ATXN10: variants seen among roughly 807,000 people sequenced by gnomAD.
The protein encoded by ATXN10 is ataxin-10.
A neutral mutation model predicts 52.9 loss-of-function variants in ATXN10; 28 were observed. The observed-to-expected ratio is 0.53, with a 90% CI of 0.39 to 0.73. The LOEUF is 0.73. Ranked by LOEUF, ATXN10 falls within the 30% of genes least tolerant of loss-of-function variation. ATXN10 has a pLI of 0.00. For missense variants in ATXN10, 565 were observed against 577.0 expected (o/e 0.98, Z 0.21); for synonymous variants, 226 against 221.5 (o/e 1.02, Z -0.18).
In ATXN10 at chr22:45,771,226, A is replaced by G. The variant is rs558343761; in HGVS notation, c.1173+30688A>G. Among the ~76,000 whole-genome samples the G allele has an allele frequency of 2.8e-4, 42 of 152,312 alleles. No individual in the cohort carries two copies. The East Asian group carries it at 7.5e-3, about 27-fold the overall frequency. On this transcript the variant is annotated intron_variant, in intron 9 of 11. Coordinates refer to ENST00000252934, the MANE Select transcript of ATXN10 (RefSeq NM_013236.4). ...TCTTTAATGGTTAAATGCATAAACA[A>G]TGGTACATCCATACAATGGAATACA...
Position 45,702,859 on chromosome 22 carries a change from G to C in ATXN10, c.647+12G>C. ...GAATCAGAATGGCCGTAAGTATCTTGTTAGAAATTTGATTGCTTTGGGGCA... is the reference window on the plus strand; with the variant it reads ...GAATCAGAATGGCCGTAAGTATCTTCTTAGAAATTTGATTGCTTTGGGGCA... On this transcript the variant is annotated intron_variant, in intron 5 of 11. Coordinates refer to ENST00000252934, the MANE Select transcript of ATXN10 (RefSeq NM_013236.4). 6 of 1,613,476 alleles carry C rather than the reference G, an allele frequency of 3.7e-6. No individual in the cohort carries two copies. The highest frequency in any genetic ancestry group is 5.1e-6 in the Non-Finnish European group (6 of 1,179,902).
At chr22:45,747,754 G>A (rs1925788794) in intron 9 of ATXN10, among the ~76,000 whole-genome samples, 1 of 152,058 alleles carries the variant, frequency 6.6e-6, no homozygotes, top group Non-Finnish European at 1.5e-5. Flanking sequence ...TATAAAATAG[G>A]GGCAGTTACA....
intron 10 of ATXN10, among the ~76,000 whole-genome samples, chr22:45,838,525 A>G (rs897318315): frequency 6.6e-6 from 1 of 152,240 alleles, no homozygotes; most frequent in Non-Finnish European, 1.5e-5. Flanking sequence ...TAAGCATACA[A>G]TAAAGCACTT....
At chr22:45,771,526 CCTGCCTCAGCCTCCCGAGTAG>C (rs1483025819) in intron 9 of ATXN10, among the ~76,000 whole-genome samples, 1 of 148,802 alleles carries the variant, frequency 6.7e-6, no homozygotes, top group Non-Finnish European at 1.5e-5. Context: ...AAGTGATTTT[CCTGCCTCAGCCTCCCGAGTAG>C]CTGGGATTAC....
chr22:45,742,547 C>T (rs933435444), intron 9 of ATXN10, among the ~76,000 whole-genome samples: 16 of 151,308 alleles, frequency 1.1e-4, no homozygotes, highest in Non-Finnish European at 2.1e-4. Context: ...AAAAAAATAC[C>T]GAATGTGCTT....
At position 45,671,836 on chromosome 22, in the gene ATXN10, C is replaced by T. The variant is rs1052510159; in HGVS notation, c.-228C>T. ...GCCGGCGCCCCCTCCCCCGCGGCGC[C>T]GTCTCCTCCTCCCGCCTGAGGCGAG... is the stretch of plus-strand genomic sequence containing the variant. On this transcript the variant is annotated 5_prime_UTR_variant, in exon 1 of 12. Transcript: ENST00000252934. 3.0e-5 allele frequency: 11 copies of T among 371,352 alleles called. No individual in the cohort carries two copies. The highest frequency in any genetic ancestry group is 5.3e-5 in the Non-Finnish European group (11 of 208,382). 23.0% of individuals were successfully genotyped at this position (371,352 alleles called of 1,614,324 possible). A position where few individuals can be genotyped will look rare whatever the true frequency, so the allele number is the denominator to read the frequency against.
intron 7 of ATXN10, among the ~76,000 whole-genome samples, chr22:45,736,693 C>G (rs1445203073): frequency 6.6e-6 from 1 of 152,110 alleles, no homozygotes; most frequent in African/African-American, 2.4e-5. Flanking sequence ...CCTTGCATTT[C>G]CTGTGAATGA....
At chr22:45,767,544 G>A (rs1926628346) in intron 9 of ATXN10, among the ~76,000 whole-genome samples, 1 of 152,040 alleles carries the variant, frequency 6.6e-6, no homozygotes, top group Non-Finnish European at 1.5e-5. Flanking sequence ...AAGAGGAGAG[G>A]CCAGGGTGGA....
rs1242920161 is a variant in ATXN10 at position 45,826,985 on chromosome 22, G to A, written c.1238-16006G>A. Among the ~76,000 whole-genome samples, 1 of 152,136 alleles carries A rather than the reference G, an allele frequency of 6.6e-6. No homozygotes were observed. Among genetic ancestry groups the A allele is most frequent in the African/African-American group, 2.4e-5 (1 of 41,428 alleles). ...TATTTTTGGGGTACACAGCATATAA[G>A]GTTTTAATTTTTTTTATGTTAACCG... On this transcript the variant is annotated intron_variant, in intron 10 of 11. Coordinates refer to ENST00000252934, the MANE Select transcript of ATXN10 (RefSeq NM_013236.4). The surrounding 1 kb of genome is among the most constrained non-coding windows in gnomAD (Gnocchi z 5.0).
intron 10 of ATXN10, among the ~76,000 whole-genome samples, chr22:45,821,344 C>CT (rs1055414247): frequency 1.6e-5 from 2 of 124,674 alleles, no homozygotes; most frequent in Non-Finnish European, 3.4e-5. Flanking sequence ...AGACCCGTCT[C>CT]TTTAAAAAAA....
rs1402437387 is a variant in ATXN10 at position 45,683,858 on chromosome 22, T to C, written c.117-5854T>C. ...ATGCCATTTACCAAGTTACCATGTA[T>C]ACACAGTTCTGCTCTTGGGCTGTCT... On this transcript the variant is annotated intron_variant, in intron 1 of 11. Coordinates refer to ENST00000252934, the MANE Select transcript of ATXN10 (RefSeq NM_013236.4). The surrounding 1 kb of genome is among the most constrained non-coding windows in gnomAD (Gnocchi z 4.8). Among the ~76,000 whole-genome samples the C allele has an allele frequency of 2.0e-5, 3 of 152,238 alleles. No individual in the cohort carries two copies. Among genetic ancestry groups the C allele is most frequent in the Non-Finnish European group, 2.9e-5 (2 of 68,038 alleles).
rs140014542 is a variant in ATXN10 at position 45,843,050 on chromosome 22, C to A, written c.1297C>A (p.Gln433Lys). 44 of 1,614,102 alleles carry A rather than the reference C, an allele frequency of 2.7e-5. No homozygotes were observed. The African/African-American group carries it at 5.2e-4, about 19-fold the overall frequency. ...CCTTACCGAAGACAACAGCCAAAAC[C>A]AAGATTTGATTGCAAAGATGGAGGA... The part of the protein sequence containing the change: ...RNLTEDNSQN[Q>K]DLIAKMEEQG... Residue 433 changes from glutamine (Q) to lysine (K), a missense_variant, in exon 11 of 12, where the codon CAA becomes AAA. Gln to Lys is a moderately conservative substitution (Grantham distance 53). Transcript: ENST00000252934. This position sits in a 1 kb window ranked among gnomAD's most constrained non-coding sequence, Gnocchi z 4.5.
In ATXN10 at chr22:45,835,484, A is replaced by G. The variant is rs1383413702; in HGVS notation, c.1238-7507A>G. On this transcript the variant is annotated intron_variant, in intron 10 of 11. Transcript: ENST00000252934. This position sits in a 1 kb window ranked among gnomAD's most constrained non-coding sequence, Gnocchi z 5.0. ...TCCCCTCTCCCTTTGCAATTTATGGAAAGTACATTGTGCCAAGCAAGGACA... is the reference window on the plus strand; with the variant it reads ...TCCCCTCTCCCTTTGCAATTTATGGGAAGTACATTGTGCCAAGCAAGGACA... Among the ~76,000 whole-genome samples, 1 of 152,228 alleles carries G rather than the reference A, an allele frequency of 6.6e-6. No individual in the cohort carries two copies. The highest frequency in any genetic ancestry group is 2.4e-5 in the African/African-American group (1 of 41,472).
rs770888323 is a variant in ATXN10 at position 45,700,371 on chromosome 22, C to G, written c.481C>G (p.Leu161Val). ...TGTTTGGGTGCATGCTTTCCCAGAACTGTTTTTGTGAGTATATTGATAAGC... is the reference window on the plus strand; with the variant it reads ...TGTTTGGGTGCATGCTTTCCCAGAAGTGTTTTTGTGAGTATATTGATAAGC... ...SIVWVHAFPE[L>V]FLSCLNHPDK... The change falls in exon 4 of 12, where the codon CTG becomes GTG. Residue 161 changes from leucine to valine, a missense_variant. By Grantham distance (32) the Leu-to-Val change is conservative (BLOSUM62 1). Transcript: ENST00000252934. The G allele has an allele frequency of 1.9e-6, 3 of 1,612,282 alleles. No individual in the cohort carries two copies. In the Admixed American group the frequency reaches 5.0e-5, roughly 27 times the overall value.
At chr22:45,794,345 A>G (rs1309289583) in intron 9 of ATXN10, among the ~76,000 whole-genome samples, 2 of 151,276 alleles carry the variant, frequency 1.3e-5, no homozygotes, top group South Asian at 2.1e-4. Context: ...AGAAATATCT[A>G]TTTCATCTAG....
intron 5 of ATXN10, among the ~76,000 whole-genome samples, chr22:45,706,582 G>A (rs1440561738): frequency 1.4e-5 from 2 of 142,458 alleles, no homozygotes; most frequent in African/African-American, 5.2e-5. Context: ...CCATAATTTA[G>A]GATTCTGTAA....
intron 10 of ATXN10, among the ~76,000 whole-genome samples, chr22:45,834,744 T>G (rs185466998): frequency 7.9e-5 from 12 of 152,234 alleles, no homozygotes; most frequent in Admixed American, 7.8e-4. Context: ...TCTGAGCACA[T>G]GGTGAGCACA....
rs544468042 is a variant in ATXN10 at position 45,816,511 on chromosome 22, C to T, written c.1237+9489C>T. Among the ~76,000 whole-genome samples, 5 of 152,134 alleles carry T rather than the reference C, an allele frequency of 3.3e-5. No individual in the cohort carries two copies. Among genetic ancestry groups the T allele is most frequent in the Non-Finnish European group, 7.3e-5 (5 of 68,036 alleles). On this transcript the variant is annotated intron_variant, in intron 10 of 11. Coordinates refer to ENST00000252934, the MANE Select transcript of ATXN10 (RefSeq NM_013236.4). The surrounding 1 kb of genome is among the most constrained non-coding windows in gnomAD (Gnocchi z 5.8). ...GCTGTGCCTCTCCCTGAACATGACA[C>T]ACCAGAATACCCAGATATGTAACCT...
At chr22:45,714,829 GTTGT>G (rs953882982) in intron 5 of ATXN10, among the ~76,000 whole-genome samples, 1 of 152,120 alleles carries the variant, frequency 6.6e-6, no homozygotes, top group Non-Finnish European at 1.5e-5. Flanking sequence ...TTTCAATTTT[GTTGT>G]TTAAGTATTT....
Sources: allele counts gnomAD v4.1 joint callset (sites outside exome capture counted in the v4.1 genomes callset), GRCh38; gene constraint gnomAD v4.1.1; non-coding constraint Gnocchi (gnomAD v3.1); transcripts MANE v1.5; gene names NCBI Gene and HGNC (gene_info 2026-07-23, HGNC 2026-07-21).